The following UST variants were observed in gnomAD, a reference collection of about 807,000 sequenced individuals.
UST encodes chondroitin sulfate 2-O-sulfotransferase.
In UST, 21 loss-of-function variants were observed where a neutral mutation model predicts 45.6. That is an observed-to-expected ratio of 0.46 (90% CI 0.33 to 0.66). The LOEUF (loss-of-function observed/expected upper bound fraction) is 0.66, where lower values mean the gene tolerates loss of function less well. Ranked by LOEUF, UST falls within the 30% of genes least tolerant of loss-of-function variation. The pLI, the probability that UST is intolerant of heterozygous loss-of-function variation, is 0.02. For synonymous variants in UST, 215 were observed against 200.6 expected, an observed-to-expected ratio of 1.07 and a Z score of -0.61; for missense variants, 463 against 512.4, an observed-to-expected ratio of 0.90 and a Z score of 0.93.
intron 1 of UST, among the ~76,000 whole-genome samples, chr6:148,852,445 T>C (rs1212678176): frequency 1.8e-4 from 28 of 152,238 alleles, no homozygotes; most frequent in Non-Finnish European, 1.5e-5. Flanking sequence ...TCATGTTCCA[T>C]TGAGGCTCCT....
chr6:149,059,148 C>T (rs1299156235), intron 7 of UST, among the ~76,000 whole-genome samples: 2 of 152,128 alleles, frequency 1.3e-5, no homozygotes, highest in Non-Finnish European at 2.9e-5. Flanking sequence ...GAAGCCACCC[C>T]AGGACTCATT....
At chr6:148,795,270 A>G (rs1014464121) in intron 1 of UST, among the ~76,000 whole-genome samples, 1 of 152,178 alleles carries the variant, frequency 6.6e-6, no homozygotes, top group Non-Finnish European at 1.5e-5. Context: ...TTGTGATACC[A>G]ATGTGTGGCT....
intron 3 of UST, among the ~76,000 whole-genome samples, chr6:148,951,740 G>A (rs942966754): frequency 6.6e-6 from 1 of 152,218 alleles, no homozygotes; most frequent in Non-Finnish European, 1.5e-5. Flanking sequence ...CCGGCTGAGA[G>A]CTGAAATGTA....
chr6:149,065,198 A>G (rs1326120401), intron 7 of UST, among the ~76,000 whole-genome samples: 1 of 152,190 alleles, frequency 6.6e-6, no homozygotes, highest in Non-Finnish European at 1.5e-5. Context: ...TTTTTAAAGC[A>G]TAATTGTTTT....
At chr6:149,018,628 G>C (rs369677909) in intron 5 of UST, among the ~76,000 whole-genome samples, 5 of 152,216 alleles carry the variant, frequency 3.3e-5, no homozygotes, top group African/African-American at 1.2e-4. Flanking sequence ...TAAACATCCT[G>C]CTACTTTTTA....
intron 1 of UST, among the ~76,000 whole-genome samples, chr6:148,805,952 C>G (rs1271240974): frequency 2.0e-5 from 3 of 152,134 alleles, no homozygotes; most frequent in Non-Finnish European, 2.9e-5. Context: ...CGGTCTTTTT[C>G]TATTATCTTT....
chr6:148,810,322 C>A (rs1017461418), intron 1 of UST, among the ~76,000 whole-genome samples: 1 of 152,166 alleles, frequency 6.6e-6, no homozygotes, highest in Admixed American at 6.5e-5. Flanking sequence ...AAATATGGTT[C>A]AAAAACTGTA....
At position 148,747,403 on chromosome 6, in the gene UST, C is replaced by G; in HGVS notation, c.-28C>G. On this transcript the variant is annotated 5_prime_UTR_variant, in exon 1 of 8. Coordinates refer to ENST00000367463, the MANE Select transcript of UST (RefSeq NM_005715.3). ...ATGGGTGACCTTTTCCTGGCACGGG[C>G]AGGCTGTGGGAGGCAGCGGAGCAGG... The G allele has an allele frequency of 1.5e-6, 2 of 1,377,216 alleles. No homozygotes were observed. The highest frequency in any genetic ancestry group is 1.9e-6 in the Non-Finnish European group (2 of 1,060,062). 85.3% of individuals were successfully genotyped at this position (1,377,216 alleles called of 1,614,324 possible). A position where few individuals can be genotyped will look rare whatever the true frequency, so the allele number is the denominator to read the frequency against.
chr6:148,897,253 C>T (rs1048360338), intron 2 of UST, among the ~76,000 whole-genome samples: 5 of 151,908 alleles, frequency 3.3e-5, no homozygotes, highest in Admixed American at 3.3e-4. Flanking sequence ...CTGCAACCTC[C>T]ACCTCCTGGG....
intron 7 of UST, among the ~76,000 whole-genome samples, chr6:149,026,716 T>A (rs750299092): frequency 6.6e-6 from 1 of 152,220 alleles, no homozygotes; most frequent in Non-Finnish European, 1.5e-5. Flanking sequence ...TGACCTAATA[T>A]TAACCCATTA....
rs138273295 is a variant in UST, at chr6:149,022,143, T to C, written c.937+662T>C. ...CAGAAATCCATCATTTATTTTTTCA[T>C]TGTCATTTTATCCAAAGAGAAAGAC... On this transcript the variant is annotated intron_variant, in intron 7 of 7. Transcript: ENST00000367463. Among the ~76,000 whole-genome samples the C allele has an allele frequency of 1.1e-4, 16 of 152,354 alleles. No homozygotes were observed. In the East Asian group the frequency reaches 2.5e-3, roughly 24 times the overall value.
At position 148,981,635 on chromosome 6, in the gene UST, A is replaced by G. The variant is rs562794200; in HGVS notation, c.681+17072A>G. Among the ~76,000 whole-genome samples, 9 of 152,364 alleles carry G rather than the reference A, an allele frequency of 5.9e-5. No individual in the cohort carries two copies. The South Asian group carries it at 1.9e-3, about 32-fold the overall frequency. On this transcript the variant is annotated intron_variant, in intron 5 of 7. Transcript: ENST00000367463. Reference sequence around the variant, plus strand: ...TAAACACACACACAGGGTCTGACACATAATAAGAGCTCAAAAATTATTAGC... The same window carrying G: ...TAAACACACACACAGGGTCTGACACGTAATAAGAGCTCAAAAATTATTAGC...
chr6:148,824,791 C>G lies in UST; in HGVS notation c.248-62195C>G, dbSNP rs373189961. Among the ~76,000 whole-genome samples the G allele has an allele frequency of 2.8e-5, 4 of 145,308 alleles. No individual in the cohort carries two copies. The East Asian group carries it at 8.2e-4, about 30-fold the overall frequency. ...TGCGCTGCACCCACTAACGTGTCAT[C>G]TAGCATTAGGTATATCTCCCAATGC... On this transcript the variant is annotated intron_variant, in intron 1 of 7. Transcript: ENST00000367463.
Position 148,847,733 on chromosome 6 carries a change from T to G in UST, c.248-39253T>G, listed in dbSNP as rs566478177. The stretch of plus-strand genomic sequence containing the variant: ...TTTTGACCCAAAGAGAATATTATAT[T>G]TTTTACTGTTCTAATGAATAGTTTC... On this transcript the variant is annotated intron_variant, in intron 1 of 7. Transcript: ENST00000367463. Among the ~76,000 whole-genome samples, 225 of 152,342 alleles carry G rather than the reference T, an allele frequency of 1.5e-3. 1 individual carries two copies. The highest frequency in any genetic ancestry group is 1.9e-3 in the Non-Finnish European group (128 of 68,032).
chr6:149,068,830 G>T lies in UST; in HGVS notation c.938-5003G>T, dbSNP rs76589255. Among the ~76,000 whole-genome samples, 381 of 152,154 alleles carry T rather than the reference G, an allele frequency of 2.5e-3. 1 individual carries two copies. The highest frequency in any genetic ancestry group is 8.9e-3 in the African/African-American group (368 of 41,468). The stretch of plus-strand genomic sequence containing the variant: ...CACCCTACTCTGCTATGGAGCATGA[G>T]AACTTACATCTTCTATATAACTGTA... On this transcript the variant is annotated intron_variant, in intron 7 of 7. Transcript: ENST00000367463.
intron 2 of UST, among the ~76,000 whole-genome samples, chr6:148,922,560 C>T (rs967942090): frequency 8.7e-5 from 13 of 148,800 alleles, no homozygotes; most frequent in African/African-American, 3.2e-4. Context: ...ACGATCTCAG[C>T]TCACTGCAAG....
chr6:149,037,252 C>G (rs1316403556), intron 7 of UST, among the ~76,000 whole-genome samples: 5 of 152,178 alleles, frequency 3.3e-5, no homozygotes, highest in Admixed American at 1.3e-4. Flanking sequence ...CAAAAGCCAG[C>G]TCCGAAATTC....
At chr6:149,032,665 C>G (rs1776166161) in intron 7 of UST, 1 of 152,674 alleles carries the variant, frequency 6.5e-6, no homozygotes, top group African/African-American at 2.4e-5. Flanking sequence ...GCCCCACCTC[C>G]CTCCCACCCT....
chr6:149,043,711 C>T (rs1026491354), intron 7 of UST, among the ~76,000 whole-genome samples: 4 of 152,288 alleles, frequency 2.6e-5, no homozygotes, highest in Admixed American at 6.5e-5. Context: ...TTGTTCAGAG[C>T]CAGGATGTGG....
Sources: allele counts gnomAD v4.1 joint callset (sites outside exome capture counted in the v4.1 genomes callset), GRCh38; gene constraint gnomAD v4.1.1; transcripts MANE v1.5; gene names NCBI Gene and HGNC (gene_info 2026-07-23, HGNC 2026-07-21).